The following PTK2B variants were observed in gnomAD, a reference collection of about 807,000 sequenced individuals.
The protein encoded by PTK2B is protein-tyrosine kinase 2-beta.
In PTK2B, 71 loss-of-function variants were observed where a neutral mutation model predicts 142.9. The observed-to-expected ratio is 0.50, with a 90% CI of 0.41 to 0.61. PTK2B has a LOEUF of 0.61. Ranked by LOEUF, PTK2B falls within the 20% of genes least tolerant of loss-of-function variation. The pLI, the probability that PTK2B is intolerant of heterozygous loss-of-function variation, is 0.00. For missense variants in PTK2B, 1,105 were observed against 1,320.4 expected (o/e 0.84, Z 2.53); for synonymous variants, 519 against 503.4 (o/e 1.03, Z -0.42).
Position 27,442,899 on chromosome 8 carries a change from C to G in PTK2B, c.2064C>G (p.Asp688Glu). The G allele has an allele frequency of 6.2e-7, 1 of 1,614,144 alleles. No individual in the cohort carries two copies. The highest frequency in any genetic ancestry group is 8.5e-7 in the Non-Finnish European group (1 of 1,179,986). Residue 688 changes from aspartate to glutamate, a missense_variant, in exon 22 of 31, where the codon GAC becomes GAG. Transcript: ENST00000346049. ...SLSDVYQMEK[D>E]IAMEQERNAR... ...GTGACGTTTATCAGATGGAGAAGGA[C>G]ATTGCCATGGAGCAAGAGAGGAATG...
At chr8:27,391,387 G>A (rs971964190) in intron 1 of PTK2B, among the ~76,000 whole-genome samples, 3 of 152,150 alleles carry the variant, frequency 2.0e-5, no homozygotes, top group Non-Finnish European at 2.9e-5. Flanking sequence ...GTGAGCCACT[G>A]CACCCAGCCA....
intron 27 of PTK2B, 184 bp downstream of exon 27, chr8:27,451,693 C>G (rs1195860047): frequency 6.9e-7 from 1 of 1,453,662 alleles, no homozygotes; most frequent in South Asian, 1.4e-5. Context: ...CACCCCATTC[C>G]TCTCCCTGCC....
At chr8:27,320,761 T>C (rs1288837884), upstream of PTK2B, among the ~76,000 whole-genome samples, 1 of 152,054 alleles carries the variant, frequency 6.6e-6, no homozygotes, top group Non-Finnish European at 1.5e-5. Flanking sequence ...TTTGGGTTTT[T>C]AGGAAGGCTT....
chr8:27,441,936 C>A (rs1212659123), intron 21 of PTK2B, among the ~76,000 whole-genome samples: 1 of 152,104 alleles, frequency 6.6e-6, no homozygotes, highest in East Asian at 1.9e-4. Flanking sequence ...GAGGCATCGA[C>A]CAGGCCTCTG....
chr8:27,412,938 C>T (rs1354576453), intron 2 of PTK2B, among the ~76,000 whole-genome samples: 4 of 152,166 alleles, frequency 2.6e-5, no homozygotes, highest in African/African-American at 9.7e-5. Context: ...TCTTATTCAA[C>T]CCCTTGATAT....
chr8:27,447,067 GT>G (rs1406001303), intron 24 of PTK2B, among the ~76,000 whole-genome samples: 1 of 152,186 alleles, frequency 6.6e-6, no homozygotes, highest in Non-Finnish European at 1.5e-5. Context: ...GTTTTAGTAA[GT>G]TTTGCTTTAA....
Position 27,451,465 on chromosome 8 carries a change from C to G in PTK2B, c.2524-20C>G. The G allele has an allele frequency of 1.2e-6, 2 of 1,613,946 alleles. No individual in the cohort carries two copies. Among genetic ancestry groups the G allele is most frequent in the Non-Finnish European group, 1.7e-6 (2 of 1,179,988 alleles). On this transcript the variant is annotated intron_variant, in intron 26 of 30. Transcript: ENST00000346049. Reference sequence around the variant, plus strand: ...CAGCCGCATGAGTGACGTTCCTGTTCTCTTTCCTCCTTCCTCCAGACGCCA... The same window carrying G: ...CAGCCGCATGAGTGACGTTCCTGTTGTCTTTCCTCCTTCCTCCAGACGCCA...
intron 1 of PTK2B, among the ~76,000 whole-genome samples, chr8:27,330,256 T>G (rs986119411): frequency 2.0e-5 from 3 of 152,228 alleles, no homozygotes; most frequent in Non-Finnish European, 4.4e-5. Context: ...CCAATAAGTA[T>G]GAGCTCTCTG....
Position 27,451,208 on chromosome 8 carries a change from G to A in PTK2B, c.2523+130G>A, listed in dbSNP as rs936813022. On this transcript the variant is annotated intron_variant, in intron 26 of 30. Coordinates refer to ENST00000346049, the MANE Select transcript of PTK2B (RefSeq NM_173176.3). ...CTCCTCCTCAATGGCTTTCCATGTT[G>A]GGAGGGTGTCTTTTCCTTTTCTGCC... is the stretch of plus-strand genomic sequence containing the variant. The A allele has an allele frequency of 2.6e-6, 3 of 1,165,812 alleles. No individual in the cohort carries two copies. The South Asian group carries it at 4.0e-5, about 15-fold the overall frequency. The allele number at this position is 1,165,812 out of a possible 1,614,324, so 72.2% of individuals were successfully genotyped here. A position where few individuals can be genotyped will look rare whatever the true frequency, so the allele number is the denominator to read the frequency against.
upstream of PTK2B, among the ~76,000 whole-genome samples, chr8:27,323,093 A>G (rs1352312701): frequency 6.6e-6 from 1 of 152,246 alleles, no homozygotes; most frequent in African/African-American, 2.4e-5. Flanking sequence ...AGTTAGTGAA[A>G]AGATAAGAAA....
intron 1 of PTK2B, among the ~76,000 whole-genome samples, chr8:27,359,008 G>A (rs1253257277): frequency 6.6e-6 from 1 of 151,844 alleles, no homozygotes; most frequent in African/African-American, 2.4e-5. Flanking sequence ...TTGTCCACTG[G>A]TATTATAGTA....
At chr8:27,401,698 C>T (rs1434054067) in intron 2 of PTK2B, among the ~76,000 whole-genome samples, 1 of 152,104 alleles carries the variant, frequency 6.6e-6, no homozygotes, top group African/African-American at 2.4e-5. Context: ...TGGGAAGCCA[C>T]TGATATAATT....
Position 27,458,849 on chromosome 8 carries a change from A to G in PTK2B, c.*340A>G, listed in dbSNP as rs149554544. 2,549 of 420,214 alleles carry G rather than the reference A, an allele frequency of 6.1e-3. 17 individuals are homozygous for G. The highest frequency in any genetic ancestry group is 8.9e-3 in the Non-Finnish European group (2,024 of 228,534). 26.0% of individuals were successfully genotyped at this position (420,214 alleles called of 1,614,324 possible). A position where few individuals can be genotyped will look rare whatever the true frequency, so the allele number is the denominator to read the frequency against. ...TCACATGGTGCCCCTAGCTTTATATATGGACATGGCAGGCCGATTTGGGAA... is the reference window on the plus strand; with the variant it reads ...TCACATGGTGCCCCTAGCTTTATATGTGGACATGGCAGGCCGATTTGGGAA... On this transcript the variant is annotated 3_prime_UTR_variant, in exon 31 of 31. Coordinates refer to ENST00000346049, the MANE Select transcript of PTK2B (RefSeq NM_173176.3).
At chr8:27,400,269 C>T (rs893237590) in intron 2 of PTK2B, among the ~76,000 whole-genome samples, 4 of 152,048 alleles carry the variant, frequency 2.6e-5, no homozygotes, top group African/African-American at 7.3e-5. Flanking sequence ...TTCTCAGAAC[C>T]TTAAATAGGC....
intron 2 of PTK2B, among the ~76,000 whole-genome samples, chr8:27,419,505 G>C (rs1435821481): frequency 6.6e-6 from 1 of 152,212 alleles, no homozygotes; most frequent in African/African-American, 2.4e-5. Flanking sequence ...GGGCCTAGCA[G>C]TGCCTGGTGC....
At chr8:27,392,037 G>A (rs1807758190) in intron 1 of PTK2B, among the ~76,000 whole-genome samples, 1 of 152,252 alleles carries the variant, frequency 6.6e-6, no homozygotes, top group South Asian at 2.1e-4. Flanking sequence ...GGAAGGTCTG[G>A]AGAAAGGGGC....
chr8:27,453,165 G>C lies in PTK2B; in HGVS notation c.2595+5G>C. The C allele has an allele frequency of 6.2e-7, 1 of 1,614,208 alleles. No individual in the cohort carries two copies. Reference sequence around the variant, plus strand: ...CCCCCGAGGCTGGGCGCACAGGTATGTGTTGGCTCTGCTGAAACTGATAAA... The same window carrying C: ...CCCCCGAGGCTGGGCGCACAGGTATCTGTTGGCTCTGCTGAAACTGATAAA... On this transcript the variant is annotated splice_donor_5th_base_variant and intron_variant, in intron 28 of 30. Transcript: ENST00000346049.
Position 27,430,417 on chromosome 8 carries a change from A to G in PTK2B, c.668A>G (p.Lys223Arg). ...FFPKQMQENL[K>R]PKQFRKMIQQ... is the part of the protein sequence containing the mutation. The stretch of plus-strand genomic sequence containing the variant: ...CCAAAGCAGATGCAGGAGAACTTAA[A>G]GGTGAGGAAACCAATGGGCGAGGAC... The change falls in exon 7 of 31, where the codon AAG becomes AGG. Residue 223 changes from lysine (K) to arginine (R), a missense_variant and splice_region_variant. Coordinates refer to ENST00000346049, the MANE Select transcript of PTK2B (RefSeq NM_173176.3). 6.2e-7 allele frequency: 1 copy of G among 1,614,146 alleles called. No homozygotes were observed.
intron 5 of PTK2B, among the ~76,000 whole-genome samples, chr8:27,427,126 C>T (rs1274771270): frequency 2.0e-5 from 3 of 152,110 alleles, no homozygotes; most frequent in South Asian, 2.1e-4. Context: ...CCCTTTTCAG[C>T]GTAGTAAACT....
Sources: allele counts gnomAD v4.1 joint callset (sites outside exome capture counted in the v4.1 genomes callset), GRCh38; gene constraint gnomAD v4.1.1; transcripts MANE v1.5; gene names NCBI Gene and HGNC (gene_info 2026-07-23, HGNC 2026-07-21).